Variants in ROR1 observed in about 807,000 individuals in gnomAD.
ROR1 encodes inactive tyrosine-protein kinase transmembrane receptor ROR1.
In ROR1, 19 loss-of-function variants were observed where a neutral mutation model predicts 78.8. The ratio of observed to expected loss-of-function variants is 0.24; its 90% CI spans 0.17 to 0.35. The LOEUF (loss-of-function observed/expected upper bound fraction) is 0.35, where lower values mean the gene tolerates loss of function less well. Among genes scored for constraint, ROR1 ranks in the 10% least tolerant of loss-of-function variants. The pLI is 1.00. For missense variants in ROR1, 917 were observed against 1,177.8 expected (o/e 0.78, Z 3.24); for synonymous variants, 386 against 433.6 (o/e 0.89, Z 1.36).
In ROR1 at chr1:63,782,626, G is replaced by C. The variant is rs936725695; in HGVS notation, c.91+8118G>C. ...GAGGTTGTAAATCAGTGTGTGGTGAGATCAATTTAGTGGGTTAGGACCAGC... is the reference window on the plus strand; with the variant it reads ...GAGGTTGTAAATCAGTGTGTGGTGACATCAATTTAGTGGGTTAGGACCAGC... On this transcript the variant is annotated intron_variant, in intron 1 of 8. Coordinates refer to ENST00000371079, the MANE Select transcript of ROR1 (RefSeq NM_005012.4). Among the ~76,000 whole-genome samples, 14 of 149,876 alleles carry C rather than the reference G, an allele frequency of 9.3e-5. No individual in the cohort carries two copies. In the East Asian group the frequency reaches 1.6e-3, roughly 17 times the overall value.
chr1:64,025,124 G>A (rs1244219738), intron 2 of ROR1, among the ~76,000 whole-genome samples: 1 of 152,162 alleles, frequency 6.6e-6, no homozygotes, highest in Non-Finnish European at 1.5e-5. Context: ...GGTGTTATAA[G>A]TAATCACTTC....
At chr1:64,090,620 C>G (rs1052064319) in intron 4 of ROR1, among the ~76,000 whole-genome samples, 1 of 152,168 alleles carries the variant, frequency 6.6e-6, no homozygotes, top group Non-Finnish European at 1.5e-5. Context: ...GCCATTGTTA[C>G]AGACTAGAAT....
At chr1:64,155,268 T>G (rs1208908140) in intron 7 of ROR1, among the ~76,000 whole-genome samples, 1 of 152,244 alleles carries the variant, frequency 6.6e-6, no homozygotes, top group Non-Finnish European at 1.5e-5. Context: ...ATTTTTCATT[T>G]GGAAGGCTCA....
intron 1 of ROR1, among the ~76,000 whole-genome samples, chr1:63,961,227 A>C (rs1476197545): frequency 6.6e-6 from 1 of 152,074 alleles, no homozygotes; most frequent in Non-Finnish European, 1.5e-5. Context: ...GAACCCATAC[A>C]CTGTTGGTGG....
At chr1:64,026,546 A>G (rs1006965915) in intron 2 of ROR1, among the ~76,000 whole-genome samples, 2 of 152,178 alleles carry the variant, frequency 1.3e-5, no homozygotes, top group African/African-American at 4.8e-5. Flanking sequence ...GCCAAAATAT[A>G]TCTGTACTAG....
chr1:64,131,039 A>G (rs1231088806), intron 4 of ROR1, among the ~76,000 whole-genome samples: 3 of 152,210 alleles, frequency 2.0e-5, no homozygotes, highest in Non-Finnish European at 2.9e-5. Flanking sequence ...TTGGGAAAGC[A>G]TTAGTAAGTT....
At position 63,775,051 on chromosome 1, in the gene ROR1, C is replaced by T. The variant is rs148389630; in HGVS notation, c.91+543C>T. On this transcript the variant is annotated intron_variant, in intron 1 of 8. Coordinates refer to ENST00000371079, the MANE Select transcript of ROR1 (RefSeq NM_005012.4). ...GGCCTCGCATCGCCACCGCCCCCGG[C>T]CCTCCGGCCCTCCCGAGAGTCATCA... 6.2e-4 allele frequency among the ~76,000 whole-genome samples: 94 copies of T among 152,252 alleles called. 2 individuals carry two copies. Among genetic ancestry groups the T allele is most frequent in the Admixed American group, 1.9e-3 (29 of 15,302 alleles).
chr1:63,837,161 G>C (rs1645022896), intron 1 of ROR1, among the ~76,000 whole-genome samples: 1 of 152,198 alleles, frequency 6.6e-6, no homozygotes, highest in African/African-American at 2.4e-5. Flanking sequence ...CACATGACAA[G>C]TGTTCAGTAT....
intron 1 of ROR1, among the ~76,000 whole-genome samples, chr1:63,782,694 C>T (rs926930344): frequency 2.6e-5 from 4 of 151,998 alleles, no homozygotes; most frequent in African/African-American, 9.7e-5. Flanking sequence ...TTGTGTCTGA[C>T]CACTTCATGC....
In ROR1 at chr1:64,180,889, GT is replaced by G. The variant is rs1650529612; in HGVS notation, c.*2040del. 6.6e-6 allele frequency: 1 copy of G among 151,994 alleles called. No homozygotes were observed. The allele number at this position is 151,994 out of a possible 1,614,324, so 9.4% of individuals were successfully genotyped here. A position where few individuals can be genotyped will look rare whatever the true frequency, so the allele number is the denominator to read the frequency against. ...ATGGTTAAAAAGTAAATTCAAGTTA[GT>G]TTTTTATAAAGAACTATAACATTTA... On this transcript the variant is annotated 3_prime_UTR_variant, in exon 9 of 9. Coordinates refer to ENST00000371079, the MANE Select transcript of ROR1 (RefSeq NM_005012.4).
At chr1:63,831,139 C>CA (rs1324959490) in intron 1 of ROR1, among the ~76,000 whole-genome samples, 1 of 152,188 alleles carries the variant, frequency 6.6e-6, no homozygotes, top group Admixed American at 6.5e-5. Flanking sequence ...CATGGGCTGG[C>CA]ATTGAGTGCC....
At chr1:63,815,584 T>A (rs1053197781) in intron 1 of ROR1, among the ~76,000 whole-genome samples, 7 of 150,692 alleles carry the variant, frequency 4.6e-5, no homozygotes, top group Admixed American at 4.6e-4. Flanking sequence ...AATAATAACA[T>A]TAATACCACC....
intron 4 of ROR1, among the ~76,000 whole-genome samples, chr1:64,057,211 C>T (rs1227693220): frequency 2.6e-5 from 4 of 152,104 alleles, no homozygotes; most frequent in Non-Finnish European, 5.9e-5. Flanking sequence ...CAGGTTCATT[C>T]TTTTGCATGT....
intron 4 of ROR1, among the ~76,000 whole-genome samples, chr1:64,118,632 C>CAAAAAAAA (rs3084938): frequency 3.0e-5 from 2 of 65,848 alleles, no homozygotes; most frequent in Non-Finnish European, 2.8e-5. Context: ...GACTCCATCT[C>CAAAAAAAA]AAAAAAAAAA....
intron 4 of ROR1, among the ~76,000 whole-genome samples, chr1:64,083,926 GA>G (rs1406637387): frequency 6.6e-6 from 1 of 152,214 alleles, no homozygotes; most frequent in Admixed American, 6.5e-5. Context: ...TGGGGCAAAG[GA>G]AAATCTTGCC....
chr1:64,152,969 G>A (rs1402340263), intron 7 of ROR1, among the ~76,000 whole-genome samples: 1 of 152,098 alleles, frequency 6.6e-6, no homozygotes, highest in Non-Finnish European at 1.5e-5. Context: ...TAAGTCACTT[G>A]AGTCATTTGA....
chr1:63,971,720 A>G (rs1032651205), intron 1 of ROR1, among the ~76,000 whole-genome samples: 1 of 152,170 alleles, frequency 6.6e-6, no homozygotes, highest in African/African-American at 2.4e-5. Flanking sequence ...ATGCTTATAA[A>G]GGGAGGATCT....
At chr1:64,126,016 A>G (rs1184772217) in intron 4 of ROR1, among the ~76,000 whole-genome samples, 1 of 152,194 alleles carries the variant, frequency 6.6e-6, no homozygotes. Context: ...TTATACAGTG[A>G]AGGATGCTAG....
chr1:63,902,666 G>A (rs1442185296), intron 1 of ROR1, among the ~76,000 whole-genome samples: 2 of 152,138 alleles, frequency 1.3e-5, no homozygotes, highest in Non-Finnish European at 2.9e-5. Context: ...ACTAGCCACA[G>A]CTGTATTACA....
Sources: gnomAD v4.1 joint callset for allele counts (sites outside exome capture counted in the v4.1 genomes callset) on GRCh38, gnomAD v4.1.1 for gene constraint, MANE v1.5 for transcripts, NCBI Gene and HGNC (gene_info 2026-07-23, HGNC 2026-07-21) for gene names.